DOCK9: variants seen among roughly 807,000 people sequenced by gnomAD.
DOCK9 encodes dedicator of cytokinesis protein 9.
Under a neutral mutation model 263.3 loss-of-function variants are expected in DOCK9, and 89 were observed. The ratio of observed to expected loss-of-function variants is 0.34; its 90% CI spans 0.28 to 0.40. The LOEUF (loss-of-function observed/expected upper bound fraction) is 0.40. Among genes scored for constraint, DOCK9 ranks in the 10% least tolerant of loss-of-function variants. The pLI, the probability that DOCK9 is intolerant of heterozygous loss-of-function variation, is 1.00. For synonymous variants in DOCK9, 976 were observed against 973.1 expected (o/e 1.00, Z -0.06); for missense variants, 2,140 against 2,603.4 (o/e 0.82, Z 3.87).
rs763119386 is a variant in DOCK9, at chr13:98,922,138, G to A, written c.495C>T (p.Ala165=). ...DEEVDKDEDA[A]SLGSQKGGIT... ...TCCCACCCTTCTGGGAACCAAGGGA[G>A]GCAGCATCCTAGGAGAGAAGGAAAA... Residue 165 remains alanine (A), a synonymous_variant, in exon 6 of 53, where the codon GCC becomes GCT. Transcript: ENST00000682017. 3.1e-6 allele frequency: 5 copies of A among 1,593,794 alleles called. No individual in the cohort carries two copies. Among genetic ancestry groups the A allele is most frequent in the Non-Finnish European group, 3.4e-6 (4 of 1,170,168 alleles).
chr13:98,872,605 C>T (rs1274363756), intron 27 of DOCK9, among the ~76,000 whole-genome samples: 1 of 152,128 alleles, frequency 6.6e-6, no homozygotes, highest in East Asian at 1.9e-4. Flanking sequence ...TGACGTCTCA[C>T]TATGTTGCTC....
chr13:99,054,215 T>C (rs1832662588), intron 1 of DOCK9, among the ~76,000 whole-genome samples: 2 of 152,126 alleles, frequency 1.3e-5, no homozygotes, highest in Non-Finnish European at 2.9e-5. Flanking sequence ...ATATTAGTGC[T>C]CTCACTTAGA....
intron 1 of DOCK9, chr13:99,086,121 C>G (rs1596074017): frequency 1.5e-6 from 2 of 1,354,638 alleles, no homozygotes; most frequent in Non-Finnish European, 1.9e-6. Flanking sequence ...CAGGGTCGGC[C>G]GCTCTGCCTC....
At chr13:99,048,777 T>C (rs1482663076) in intron 1 of DOCK9, among the ~76,000 whole-genome samples, 1 of 152,234 alleles carries the variant, frequency 6.6e-6, no homozygotes, top group Non-Finnish European at 1.5e-5. Context: ...ACTAATATAC[T>C]TGTACCTTTA....
At chr13:98,823,869 A>C (rs1186577526) in intron 45 of DOCK9, among the ~76,000 whole-genome samples, 1 of 152,194 alleles carries the variant, frequency 6.6e-6, no homozygotes, top group Non-Finnish European at 1.5e-5. Flanking sequence ...GGGGTGCGAC[A>C]GGGTGGTCCT....
At chr13:98,902,719 A>G (rs2048480056) in intron 11 of DOCK9, among the ~76,000 whole-genome samples, 2 of 152,238 alleles carry the variant, frequency 1.3e-5, no homozygotes, top group South Asian at 2.1e-4. Flanking sequence ...TGTTCCATAG[A>G]AAACACAGTT....
At chr13:99,058,321 C>T (rs2041021622) in intron 1 of DOCK9, among the ~76,000 whole-genome samples, 1 of 152,116 alleles carries the variant, frequency 6.6e-6, no homozygotes, top group Non-Finnish European at 1.5e-5. Context: ...TGCGTCACCA[C>T]ACCCAGCCAA....
At chr13:98,888,013 G>A (rs1234640024) in intron 18 of DOCK9, 145 bp downstream of exon 18, 1 of 614,840 alleles carries the variant, frequency 1.6e-6, no homozygotes, top group Non-Finnish European at 2.8e-6. Context: ...GAGTATATAT[G>A]TTTATACATT....
chr13:98,916,452 C>G (rs574050334), intron 7 of DOCK9, among the ~76,000 whole-genome samples: 2 of 152,214 alleles, frequency 1.3e-5, no homozygotes, highest in African/African-American at 4.8e-5. Flanking sequence ...GACAGCCCCC[C>G]GCATAGCCAC....
At position 98,930,151 on chromosome 13, in the gene DOCK9, G is replaced by A; in HGVS notation, c.333+17C>T. On this transcript the variant is annotated intron_variant, in intron 3 of 52. Transcript: ENST00000682017. ...AAATGACTTCAAAATGTAAATTAAT[G>A]CAGGAAAGAGCCTTACCTCTGTAAC... 3 of 1,596,908 alleles carry A rather than the reference G, an allele frequency of 1.9e-6. No homozygotes were observed. Among genetic ancestry groups the A allele is most frequent in the Non-Finnish European group, 2.6e-6 (3 of 1,170,464 alleles).
At chr13:98,976,393 T>TA (rs5806087) in intron 1 of DOCK9, among the ~76,000 whole-genome samples, 25 of 150,448 alleles carry the variant, frequency 1.7e-4, no homozygotes, top group South Asian at 4.2e-4. Context: ...CTTGTGTGCT[T>TA]AAAAAAAAAA....
rs923404543 is a variant in DOCK9, at chr13:98,930,369, A to G, written c.244-112T>C. ...GCCCTGGCAGCCACAGAGTCCCTCC[A>G]GTTTCTCCCATCCAGTGCAGCTGCC... On this transcript the variant is annotated intron_variant, in intron 2 of 52. Transcript: ENST00000682017. 45 of 843,884 alleles carry G rather than the reference A, an allele frequency of 5.3e-5. No individual in the cohort carries two copies. In the African/African-American group the frequency reaches 6.1e-4, roughly 11 times the overall value. The allele number at this position is 843,884 out of a possible 1,614,324, so 52.3% of individuals were successfully genotyped here.
Position 98,794,634 on chromosome 13 carries a change from C to T in DOCK9, c.6271G>A (p.Val2091Ile). ...MVHGMTSSSS[V>I]V is the part of the protein sequence containing the mutation. ...CGGGCCATGAGATGTAATCACACGA[C>T]CGAAGACGAGCTGGTCATCCCGTGA... The change falls in exon 53 of 53, where the codon GTC becomes ATC. Residue 2091 changes from valine (V) to isoleucine (I), a missense_variant. Val to Ile is a conservative substitution (Grantham distance 29). Transcript: ENST00000682017. 1 of 1,597,182 alleles carries T rather than the reference C, an allele frequency of 6.3e-7. No homozygotes were observed. The highest frequency in any genetic ancestry group is 8.5e-7 in the Non-Finnish European group (1 of 1,171,746).
chr13:99,032,627 AATTT>A lies in DOCK9; in HGVS notation c.129+53592_129+53595del, dbSNP rs1263203438. ...TAAATTTATTAATTTATATGACATA[AATTT>A]ATTAATTTACATGACATAAATTTAT... is the stretch of plus-strand genomic sequence containing the variant. On this transcript the variant is annotated intron_variant, in intron 1 of 32. Coordinates refer to the DOCK9 transcript ENST00000427887. Among the ~76,000 whole-genome samples, 4 of 151,280 alleles carry A rather than the reference AATTT, an allele frequency of 2.6e-5. No homozygotes were observed. In the South Asian group the frequency reaches 8.4e-4, roughly 32 times the overall value.
In DOCK9 at chr13:98,845,921, T is replaced by TA. The variant is rs765629017; in HGVS notation, c.4198+2dup. ...TGTTACGATGGCATGTCATGGGACT[T>TA]ACTGTGGTTAAAAGTGAGAGAGTTA... On this transcript the variant is annotated splice_region_variant and intron_variant, in intron 38 of 52. Coordinates refer to ENST00000682017, the MANE Select transcript of DOCK9 (RefSeq NM_001366683.2). The TA allele has an allele frequency of 6.2e-7, 1 of 1,613,278 alleles. No individual in the cohort carries two copies. Among genetic ancestry groups the TA allele is most frequent in the Non-Finnish European group, 8.5e-7 (1 of 1,179,666 alleles).
chr13:98,830,935 G>A (rs2092736205), intron 41 of DOCK9, among the ~76,000 whole-genome samples: 2 of 152,222 alleles, frequency 1.3e-5, no homozygotes, highest in Non-Finnish European at 2.9e-5. Flanking sequence ...ATCTTGGCTG[G>A]CTCTCAGAGC....
chr13:98,868,097 T>C (rs1284118881), intron 28 of DOCK9, 86 bp from the exon 29 acceptor site: 1 of 1,531,088 alleles, frequency 6.5e-7, no homozygotes, highest in Non-Finnish European at 9.0e-7. Flanking sequence ...TGCTAATAAG[T>C]TTATCCACTG....
intron 1 of DOCK9, among the ~76,000 whole-genome samples, chr13:98,964,759 C>A (rs548342647): frequency 3.9e-5 from 6 of 152,060 alleles, no homozygotes; most frequent in South Asian, 4.1e-4. Context: ...ATTGGAAATC[C>A]AAGGTGATGG....
chr13:99,081,696 C>T, intron 1 of DOCK9, among the ~76,000 whole-genome samples: 1 of 152,178 alleles, frequency 6.6e-6, no homozygotes, highest in East Asian at 1.9e-4. Context: ...TTTAATACAT[C>T]TGAAAGACCT....
Sources: gnomAD v4.1 joint callset for allele counts (sites outside exome capture counted in the v4.1 genomes callset) on GRCh38, gnomAD v4.1.1 for gene constraint, MANE v1.5 for transcripts, NCBI Gene and HGNC (gene_info 2026-07-23, HGNC 2026-07-21) for gene names.